Variants in SCFD2 observed in about 807,000 individuals in gnomAD.
SCFD2 encodes the protein sec1 family domain-containing protein 2.
In SCFD2, 54 loss-of-function variants were observed where a neutral mutation model predicts 58.9. The ratio of observed to expected loss-of-function variants is 0.92; its 90% CI spans 0.74 to 1.15. The LOEUF (loss-of-function observed/expected upper bound fraction) is 1.15, where lower values mean the gene tolerates loss of function less well. Ranked by LOEUF, SCFD2 falls within the 50% of genes most tolerant of loss-of-function variation. The probability of loss-of-function intolerance (pLI) is 0.00; values close to 1 mark genes in which losing one functional copy is unlikely to be tolerated. For synonymous variants in SCFD2, 321 were observed against 335.9 expected, an observed-to-expected ratio of 0.96 and a Z score of 0.49; for missense variants, 805 against 836.6, an observed-to-expected ratio of 0.96 and a Z score of 0.47.
intron 4 of SCFD2, among the ~76,000 whole-genome samples, chr4:53,270,959 T>C (rs1227873100): frequency 6.6e-6 from 1 of 152,002 alleles, no homozygotes; most frequent in Non-Finnish European, 1.5e-5. Context: ...CCAACCACCA[T>C]AAACAACAAA....
chr4:53,254,802 ATTTTTTTATTTTATT>A, intron 4 of SCFD2, among the ~76,000 whole-genome samples: 1 of 134,620 alleles, frequency 7.4e-6, no homozygotes, highest in East Asian at 2.3e-4. Flanking sequence ...TGTTTATTTT[ATTTTTTTATTTTATT>A]TTATTTTATT....
intron 4 of SCFD2, among the ~76,000 whole-genome samples, chr4:53,155,194 T>C (rs572285801): frequency 1.2e-4 from 18 of 152,302 alleles, no homozygotes; most frequent in African/African-American, 4.3e-4. Flanking sequence ...TACACGGTGG[T>C]AGGATGCTGT....
chr4:53,099,755 T>A (rs1351823017), intron 5 of SCFD2, among the ~76,000 whole-genome samples: 1 of 152,208 alleles, frequency 6.6e-6, no homozygotes, highest in Non-Finnish European at 1.5e-5. Flanking sequence ...ATGAGGTATC[T>A]GTCCCCATGC....
At chr4:53,198,089 A>C (rs1728115405) in intron 4 of SCFD2, among the ~76,000 whole-genome samples, 1 of 152,108 alleles carries the variant, frequency 6.6e-6, no homozygotes, top group Non-Finnish European at 1.5e-5. Flanking sequence ...TAAAACATAT[A>C]GATATATAAT....
chr4:52,900,871 C>A (rs1038550411), intron 7 of SCFD2, among the ~76,000 whole-genome samples: 3 of 152,344 alleles, frequency 2.0e-5, no homozygotes, highest in East Asian at 3.9e-4. Context: ...TCGCTGCCGC[C>A]TTGCAGTTTG....
chr4:53,081,689 T>TA (rs1366132911), intron 5 of SCFD2, among the ~76,000 whole-genome samples: 1 of 152,164 alleles, frequency 6.6e-6, no homozygotes, highest in Non-Finnish European at 1.5e-5. Context: ...TCACATATCA[T>TA]AAAATTTATT....
chr4:53,129,218 G>GAAAACAAAAC (rs5858206), intron 5 of SCFD2, among the ~76,000 whole-genome samples: 12 of 148,782 alleles, frequency 8.1e-5, no homozygotes, highest in African/African-American at 2.7e-4. Context: ...TATCTTGGAA[G>GAAAACAAAAC]AAAACAAAAC....
chr4:53,298,486 G>T (rs1328175210), intron 3 of SCFD2, among the ~76,000 whole-genome samples: 1 of 152,190 alleles, frequency 6.6e-6, no homozygotes, highest in Non-Finnish European at 1.5e-5. Flanking sequence ...GCTCAAGGAG[G>T]CCTGCCTGCC....
At chr4:52,876,274 G>T (rs1718471861) in intron 8 of SCFD2, among the ~76,000 whole-genome samples, 1 of 152,186 alleles carries the variant, frequency 6.6e-6, no homozygotes, top group Non-Finnish European at 1.5e-5. Context: ...AGCACAGGAA[G>T]TGCTCAGCAA....
At chr4:53,195,509 C>A (rs1728033187) in intron 4 of SCFD2, among the ~76,000 whole-genome samples, 5 of 152,148 alleles carry the variant, frequency 3.3e-5, no homozygotes, top group Admixed American at 3.3e-4. Flanking sequence ...ACCCCACATT[C>A]CTACGGATCC....
rs541592135 is a variant in SCFD2 at position 53,331,884 on chromosome 4, A to G, written c.1008-18121T>C. Among the ~76,000 whole-genome samples the G allele has an allele frequency of 1.3e-3, 198 of 152,328 alleles. 1 individual carries two copies. Among genetic ancestry groups the G allele is most frequent in the African/African-American group, 4.5e-3 (188 of 41,582 alleles). On this transcript the variant is annotated intron_variant, in intron 2 of 8. Coordinates refer to ENST00000401642, the MANE Select transcript of SCFD2 (RefSeq NM_152540.4). The stretch of plus-strand genomic sequence containing the variant: ...TAAAGAAAAAAAGAGAGAAGAATCA[A>G]ATAGAGGCAATAAAAAATGATAAAG...
At chr4:53,297,990 C>G (rs1427531125) in intron 3 of SCFD2, among the ~76,000 whole-genome samples, 2 of 152,142 alleles carry the variant, frequency 1.3e-5, no homozygotes, top group Non-Finnish European at 2.9e-5. Context: ...CGAATAGGAA[C>G]AGCTCCAGTC....
intron 5 of SCFD2, among the ~76,000 whole-genome samples, chr4:53,143,929 C>A (rs186391028): frequency 6.6e-6 from 1 of 152,028 alleles, no homozygotes; most frequent in African/African-American, 2.4e-5. Flanking sequence ...TCAATCCATA[C>A]GCATGGAAAT....
chr4:52,963,109 C>CA (rs1720887754), intron 5 of SCFD2, among the ~76,000 whole-genome samples: 1 of 152,136 alleles, frequency 6.6e-6, no homozygotes, highest in Non-Finnish European at 1.5e-5. Flanking sequence ...TAAACAAACA[C>CA]AAGTTTTACC....
intron 4 of SCFD2, among the ~76,000 whole-genome samples, chr4:53,150,329 G>A (rs1293759487): frequency 6.6e-6 from 1 of 152,164 alleles, no homozygotes; most frequent in African/African-American, 2.4e-5. Context: ...AAGCAGTAAA[G>A]TCTCCATCAG....
chr4:53,015,662 T>G (rs551149381), intron 5 of SCFD2, among the ~76,000 whole-genome samples: 1 of 152,354 alleles, frequency 6.6e-6, no homozygotes, highest in Admixed American at 6.5e-5. Context: ...CATATCTATG[T>G]GTTCCTGGAA....
chr4:53,287,837 T>C (rs1361056568), intron 3 of SCFD2, among the ~76,000 whole-genome samples: 1 of 152,026 alleles, frequency 6.6e-6, no homozygotes, highest in Non-Finnish European at 1.5e-5. Context: ...GACAATTGAA[T>C]TAAACCAGAA....
chr4:53,281,261 A>G (rs9884671), intron 3 of SCFD2, among the ~76,000 whole-genome samples: 12,422 of 152,306 alleles, frequency 0.082, 692 homozygotes, highest in South Asian at 0.21. Context: ...ATTTTTATCA[A>G]GAGTTTTAAT....
intron 5 of SCFD2, among the ~76,000 whole-genome samples, chr4:53,113,763 A>T (rs1276694684): frequency 6.6e-6 from 1 of 152,016 alleles, no homozygotes; most frequent in Non-Finnish European, 1.5e-5. Context: ...AAATGAACAC[A>T]TTTATTATTG....
Sources: allele counts gnomAD v4.1 joint callset (sites outside exome capture counted in the v4.1 genomes callset), GRCh38; gene constraint gnomAD v4.1.1; transcripts MANE v1.5; gene names NCBI Gene and HGNC (gene_info 2026-07-23, HGNC 2026-07-21).